Variants in IGFN1 observed in about 807,000 individuals in gnomAD.
The protein encoded by IGFN1 is immunoglobulin-like and fibronectin type III domain-containing protein 1.
IGFN1 carries 253 observed loss-of-function variants against 289.5 expected under a neutral mutation model. The observed-to-expected ratio is 0.87, with a 90% CI of 0.79 to 0.97. IGFN1 has a LOEUF of 0.97. Among genes scored for constraint, IGFN1 ranks in the 50% least tolerant of loss-of-function variants. IGFN1 has a pLI of 0.00. For synonymous variants in IGFN1, 1,706 were observed against 1,788.5 expected, an observed-to-expected ratio of 0.95 and a Z score of 1.16; for missense variants, 4,470 against 4,686.1, an observed-to-expected ratio of 0.95 and a Z score of 1.35.
chr1:201,195,352 A>G (rs1666870665), intron 3 of IGFN1, among the ~76,000 whole-genome samples: 1 of 152,084 alleles, frequency 6.6e-6, no homozygotes, highest in Non-Finnish European at 1.5e-5. Flanking sequence ...GGGTTTCACC[A>G]TGTTGGCCAG....
chr1:201,201,995 C>T (rs1185694831), intron 9 of IGFN1, among the ~76,000 whole-genome samples, 163 bp downstream of exon 9: 2 of 152,154 alleles, frequency 1.3e-5, no homozygotes, highest in African/African-American at 2.4e-5. Flanking sequence ...TGGACCAAAC[C>T]CTGGTGTAGA....
At position 201,228,697 on chromosome 1, in the gene IGFN1, G is replaced by A; in HGVS notation, c.*298G>A. The A allele has an allele frequency of 2.2e-6, 1 of 457,842 alleles. No individual in the cohort carries two copies. The highest frequency in any genetic ancestry group is 4.0e-6 in the Non-Finnish European group (1 of 252,300). The allele number at this position is 457,842 out of a possible 1,614,324, so 28.4% of individuals were successfully genotyped here. A position where few individuals can be genotyped will look rare whatever the true frequency, so the allele number is the denominator to read the frequency against. On this transcript the variant is annotated 3_prime_UTR_variant, in exon 24 of 24. Coordinates refer to ENST00000335211, the MANE Select transcript of IGFN1 (RefSeq NM_001164586.2). ...TTCTTCGCTTCAGGAGATCCAGAGG[G>A]CACCTGCCTGCAGGATGGGCCGGCT... is the stretch of plus-strand genomic sequence containing the variant.
chr1:201,224,102 G>A (rs1402218412), intron 20 of IGFN1, among the ~76,000 whole-genome samples: 1 of 152,194 alleles, frequency 6.6e-6, no homozygotes, highest in Non-Finnish European at 1.5e-5. Flanking sequence ...GCCCTGTACT[G>A]AGGGCCCCGT....
At chr1:201,222,714 T>C (rs753262867) in intron 19 of IGFN1, 25 bp from the exon 20 acceptor site, 1 of 1,576,864 alleles carries the variant, frequency 6.3e-7, no homozygotes. Context: ...AGGAGGGAGG[T>C]AACCAGTCCT....
chr1:201,218,398 C>T (rs551023616), intron 17 of IGFN1, 132 bp from the exon 18 acceptor site: 33 of 779,030 alleles, frequency 4.2e-5, no homozygotes, highest in African/African-American at 2.8e-4. Context: ...TGAGTCACAG[C>T]GGGTGGAGGG....
rs774439008 is a variant in IGFN1, at chr1:201,211,613, G to A, written c.6720G>A (p.Gly2240=). Reference sequence around the variant, plus strand: ...TCAGGGATGGTTTAGGGAGTTCTGGGGAAATGGGGTCAATGGATGAGGCAG... The same window carrying A: ...TCAGGGATGGTTTAGGGAGTTCTGGAGAAATGGGGTCAATGGATGAGGCAG... ...AGFRDGLGSS[G]EMGSMDEADY... Residue 2240 remains glycine, a synonymous_variant, in exon 12 of 24, where the codon GGG becomes GGA. Coordinates refer to ENST00000335211, the MANE Select transcript of IGFN1 (RefSeq NM_001164586.2). The A allele has an allele frequency of 2.5e-5, 38 of 1,534,394 alleles. No homozygotes were observed. The African/African-American group carries it at 5.0e-4, about 20-fold the overall frequency.
chr1:201,224,685 C>A lies in IGFN1; in HGVS notation c.10297C>A (p.Pro3433Thr). The change falls in exon 21 of 24, where the codon CCC (proline) becomes ACC (threonine). Residue 3433 changes from proline to threonine, a missense_variant. Pro to Thr is a conservative substitution (Grantham distance 38). This residue lies in a region of IGFN1 where 2,218 missense variants were observed against 2,114.1 expected (regional missense o/e 1.05). Coordinates refer to ENST00000335211, the MANE Select transcript of IGFN1 (RefSeq NM_001164586.2). Reference sequence around the variant, plus strand: ...CCTTCCTCTCCTTTCTCAGGCCATGCCCATGCCTGAGGTGACCTGGCTGAA... The same window carrying A: ...CCTTCCTCTCCTTTCTCAGGCCATGACCATGCCTGAGGTGACCTGGCTGAA... Reference protein sequence around the residue: ...VRVPVSFEAMPMPEVTWLKDG... With the variant: ...VRVPVSFEAMTMPEVTWLKDG... The A allele has an allele frequency of 6.2e-7, 1 of 1,613,706 alleles. No individual in the cohort carries two copies. The highest frequency in any genetic ancestry group is 8.5e-7 in the Non-Finnish European group (1 of 1,179,704).
At position 201,209,043 on chromosome 1, in the gene IGFN1, G is replaced by T. The variant is rs1267248896; in HGVS notation, c.4150G>T (p.Val1384Phe). ...AACAGATAATAGGAAAGATTTGGGG[G>T]TTCCTGAGGGAATGGGTGCAGGTTA... ...DETDNRKDLG[V>F]PEGMGAGYRA... The change falls in exon 12 of 24, where the codon GTT becomes TTT. Residue 1384 changes from valine (V) to phenylalanine (F), a missense_variant. Val to Phe is a conservative substitution (Grantham distance 50). Transcript: ENST00000335211. 3.3e-6 allele frequency: 5 copies of T among 1,536,692 alleles called. No individual in the cohort carries two copies. The highest frequency in any genetic ancestry group is 4.9e-5 in the East Asian group (2 of 40,908).
chr1:201,224,483 C>T (rs145337333), intron 20 of IGFN1, among the ~76,000 whole-genome samples, 196 bp from the exon 21 acceptor site: 265 of 152,278 alleles, frequency 1.7e-3, no homozygotes, highest in African/African-American at 6.1e-3. Flanking sequence ...CTACCATACC[C>T]GCCTGCCAAC....
Position 201,212,807 on chromosome 1 carries a change from C to T in IGFN1, c.7914C>T (p.Ser2638=), listed in dbSNP as rs1171294625. ...DWENQGFSQG[S]IDAGKQPAGS... The stretch of plus-strand genomic sequence containing the variant: ...AAAACCAGGGGTTTAGCCAAGGCAG[C>T]ATAGATGCTGGGAAGCAGCCCGCAG... The change falls in exon 12 of 24, where the codon AGC becomes AGT. Residue 2638 remains serine (S), a synonymous_variant. Coordinates refer to ENST00000335211, the MANE Select transcript of IGFN1 (RefSeq NM_001164586.2). 5.2e-6 allele frequency: 8 copies of T among 1,551,436 alleles called. No homozygotes were observed. The highest frequency in any genetic ancestry group is 7.0e-6 in the Non-Finnish European group (8 of 1,146,910).
chr1:201,208,716 G>T lies in IGFN1; in HGVS notation c.3823G>T (p.Gly1275Trp), dbSNP rs1431584718. ...TGGGCCAGGTTGTAGGAAGGGTATT[G>T]GGAGTTCTGGGGAAATGGGGTCAGT... ...ADGPGCRKGI[G>W]SSGEMGSVDK... The change falls in exon 12 of 24, where the codon GGG becomes TGG. Residue 1275 changes from glycine (G) to tryptophan (W), a missense_variant. Physicochemically the swap from Gly to Trp is radical, Grantham distance 184. Around this residue, in one of 8 missense-constraint regions of IGFN1, gnomAD observed 2,011 missense variants for 1,953.4 expected, o/e 1.03. Transcript: ENST00000335211. 1.3e-6 allele frequency: 2 copies of T among 1,537,084 alleles called. No homozygotes were observed. The highest frequency in any genetic ancestry group is 1.7e-6 in the Non-Finnish European group (2 of 1,146,836).
At chr1:201,214,920 G>C (rs1653111782) in intron 13 of IGFN1, 93 bp from the exon 14 acceptor site, 2 of 1,307,660 alleles carry the variant, frequency 1.5e-6, no homozygotes, top group African/African-American at 2.9e-5. Context: ...CTGTTATCAG[G>C]ATCCCAGCAT....
At position 201,203,622 on chromosome 1, in the gene IGFN1, G is replaced by C. The variant is rs1667255459; in HGVS notation, c.748-116G>C. The C allele has an allele frequency of 4.3e-5, 39 of 909,134 alleles. No homozygotes were observed. In the South Asian group the frequency reaches 6.4e-4, roughly 15 times the overall value. 56.3% of individuals were successfully genotyped at this position (909,134 alleles called of 1,614,324 possible). Reference sequence around the variant, plus strand: ...AGCTCCTCTATGGTTCCAGGAATCTGTTGTCTGGCGACTGGGCCCGTGGGA... The same window carrying C: ...AGCTCCTCTATGGTTCCAGGAATCTCTTGTCTGGCGACTGGGCCCGTGGGA... On this transcript the variant is annotated intron_variant, in intron 9 of 23. Transcript: ENST00000335211.
intron 13 of IGFN1, 114 bp from the exon 14 acceptor site, chr1:201,214,899 C>A: frequency 9.5e-7 from 1 of 1,050,952 alleles, no homozygotes; most frequent in Non-Finnish European, 1.4e-6. Context: ...ATAAGCATTC[C>A]ATTCACACAG....
At chr1:201,199,822 T>A (rs1248570352) in intron 7 of IGFN1, among the ~76,000 whole-genome samples, 168 bp downstream of exon 7, 1 of 152,172 alleles carries the variant, frequency 6.6e-6, no homozygotes, top group African/African-American at 2.4e-5. Context: ...TGGATGGGAA[T>A]GGGACAGAGC....
In IGFN1 at chr1:201,193,265, C is replaced by G. The variant is rs1458356402; in HGVS notation, c.-29C>G. On this transcript the variant is annotated 5_prime_UTR_variant, in exon 2 of 24. Coordinates refer to ENST00000335211, the MANE Select transcript of IGFN1 (RefSeq NM_001164586.2). ...TTCTCAGGGTAATAGAACTTCTACC[C>G]TCAGAGGAGTCAAAGAGGAGGCAGA... 30 of 1,520,152 alleles carry G rather than the reference C, an allele frequency of 2.0e-5. No homozygotes were observed. Among genetic ancestry groups the G allele is most frequent in the Non-Finnish European group, 2.3e-5 (26 of 1,117,854 alleles). 94.2% of individuals were successfully genotyped at this position (1,520,152 alleles called of 1,614,324 possible).
At position 201,212,535 on chromosome 1, in the gene IGFN1, G is replaced by T; in HGVS notation, c.7642G>T (p.Gly2548Ter). The T allele has an allele frequency of 6.5e-7, 1 of 1,548,608 alleles. No homozygotes were observed. Among genetic ancestry groups the T allele is most frequent in the East Asian group, 2.4e-5 (1 of 40,916 alleles). ...TWAGMAALGS[G>*]YERDIWKAGP... ...GGCAGGAATGGCTGCTCTAGGGTCT[G>T]GATATGAACGGGACATCTGGAAAGC... The change falls in exon 12 of 24, where the codon GGA becomes TGA. Residue 2548 changes from glycine to a stop codon, truncating the protein, a stop_gained. Transcript: ENST00000335211. LOFTEE classifies it high-confidence loss of function.
rs1024268747 is a variant in IGFN1, at chr1:201,212,627, G to A, written c.7734G>A (p.Gly2578=). The A allele has an allele frequency of 2.6e-6, 4 of 1,542,870 alleles. No individual in the cohort carries two copies. The highest frequency in any genetic ancestry group is 3.5e-6 in the Non-Finnish European group (4 of 1,142,450). The part of the protein sequence containing the change: ...GQGGLASQGG[G]DSLLGGRRVG... ...GGGGGTTGGCATCTCAGGGAGGTGG[G>A]GACTCACTTTTGGGAGGCAGAAGGG... The change falls in exon 12 of 24, where the codon GGG becomes GGA. Residue 2578 remains glycine (G), a synonymous_variant. Transcript: ENST00000335211.
Position 201,212,115 on chromosome 1 carries a change from C to A in IGFN1, c.7222C>A (p.Arg2408=). The change falls in exon 12 of 24, where the codon CGA becomes AGA. Residue 2408 remains arginine (R), a synonymous_variant. Coordinates refer to ENST00000335211, the MANE Select transcript of IGFN1 (RefSeq NM_001164586.2). ...GDTNSKDGPE[R]ARETRLVDGA... is the part of the protein sequence containing the mutation. ...CACGAACTCCAAGGATGGTCCAGAG[C>A]GAGCCAGGGAAACCAGGCTTGTGGA... 6.5e-7 allele frequency: 1 copy of A among 1,536,410 alleles called. No homozygotes were observed. The highest frequency in any genetic ancestry group is 2.4e-5 in the East Asian group (1 of 40,910).
Sources: gnomAD v4.1 joint callset for allele counts (sites outside exome capture counted in the v4.1 genomes callset) on GRCh38, gnomAD v4.1.1 for gene constraint, gnomAD v4.1.1 regional missense constraint, MANE v1.5 for transcripts, NCBI Gene and HGNC (gene_info 2026-07-23, HGNC 2026-07-21) for gene names.